The following SERPINI1 variants were observed in gnomAD, a reference collection of about 807,000 sequenced individuals.
The protein encoded by SERPINI1 is serpin family I member 1.
In SERPINI1, 19 loss-of-function variants were observed where a neutral mutation model predicts 41.1. That is an observed-to-expected ratio of 0.46 (90% CI 0.32 to 0.68). The LOEUF (loss-of-function observed/expected upper bound fraction) is 0.68. SERPINI1 is among the 30% of genes least tolerant of loss of function. The pLI is 0.03. For missense variants in SERPINI1, 460 were observed against 479.2 expected (o/e 0.96, Z 0.37); for synonymous variants, 138 against 156.6 (o/e 0.88, Z 0.89).
intron 6 of SERPINI1, among the ~76,000 whole-genome samples, chr3:167,813,823 G>A (rs1711976584): frequency 6.6e-6 from 1 of 152,110 alleles, no homozygotes; most frequent in Non-Finnish European, 1.5e-5. Flanking sequence ...TGAGTGTTGT[G>A]AGTAAATTTC....
chr3:167,823,549 C>A (rs1712412845), intron 7 of SERPINI1, among the ~76,000 whole-genome samples: 1 of 152,114 alleles, frequency 6.6e-6, no homozygotes, highest in Admixed American at 6.6e-5. Context: ...ATAATAATGA[C>A]ATCAGGGTAA....
intron 1 of SERPINI1, among the ~76,000 whole-genome samples, chr3:167,745,053 A>C (rs983722487): frequency 6.6e-6 from 1 of 151,140 alleles, no homozygotes; most frequent in African/African-American, 2.4e-5. Context: ...GTTGGAGAAC[A>C]CTATGAACAA....
intron 6 of SERPINI1, among the ~76,000 whole-genome samples, chr3:167,820,280 G>T (rs1271098390): frequency 6.6e-6 from 1 of 152,204 alleles, no homozygotes; most frequent in African/African-American, 2.4e-5. Context: ...GAGCAGCCAG[G>T]GCTTCATGCT....
intron 6 of SERPINI1, among the ~76,000 whole-genome samples, chr3:167,811,556 T>C (rs1200474903): frequency 1.3e-5 from 2 of 152,084 alleles, no homozygotes; most frequent in Admixed American, 1.3e-4. Flanking sequence ...AACAATATCT[T>C]AGAAAGTGAT....
intron 1 of SERPINI1, among the ~76,000 whole-genome samples, chr3:167,753,260 T>A (rs149279877): frequency 1.3e-5 from 2 of 152,252 alleles, no homozygotes; most frequent in African/African-American, 4.8e-5. Context: ...CCCTAGATTG[T>A]AAGCTTTCTC....
At chr3:167,773,933 C>A (rs1726877533) in intron 1 of SERPINI1, among the ~76,000 whole-genome samples, 1 of 152,106 alleles carries the variant, frequency 6.6e-6, no homozygotes, top group Non-Finnish European at 1.5e-5. Context: ...AAATAAGTGT[C>A]AGCCACAAGT....
intron 1 of SERPINI1, among the ~76,000 whole-genome samples, chr3:167,758,850 A>T (rs1404581806): frequency 3.3e-5 from 5 of 152,228 alleles, no homozygotes; most frequent in Non-Finnish European, 7.4e-5. Flanking sequence ...TGAAGGATAT[A>T]TGGGAACTCT....
At chr3:167,740,388 ATC>A (rs1263181241) in intron 1 of SERPINI1, among the ~76,000 whole-genome samples, 1 of 152,188 alleles carries the variant, frequency 6.6e-6, no homozygotes, top group Non-Finnish European at 1.5e-5. Context: ...AGTTCATACT[ATC>A]TTTCTCACCA....
chr3:167,759,011 A>G (rs192715476), intron 1 of SERPINI1, among the ~76,000 whole-genome samples: 1,862 of 152,270 alleles, frequency 0.012, 46 homozygotes, highest in African/African-American at 0.043. Flanking sequence ...TTTATGATCC[A>G]CATTAGACAC....
chr3:167,757,191 G>C (rs147751474), intron 1 of SERPINI1, among the ~76,000 whole-genome samples: 36 of 152,296 alleles, frequency 2.4e-4, no homozygotes, highest in African/African-American at 8.7e-4. Context: ...TACTGATGAA[G>C]CCTAGAGCTT....
chr3:167,803,021 G>A (rs1333570527), intron 5 of SERPINI1, among the ~76,000 whole-genome samples: 19 of 151,756 alleles, frequency 1.3e-4, no homozygotes, highest in African/African-American at 3.4e-4. Flanking sequence ...GTAAACTATC[G>A]CAAGATGAAA....
chr3:167,808,442 AT>A, intron 6 of SERPINI1, among the ~76,000 whole-genome samples: 1 of 152,284 alleles, frequency 6.6e-6, no homozygotes, highest in East Asian at 1.9e-4. Context: ...TATAAGGATT[AT>A]TTTTATCATT....
intron 1 of SERPINI1, among the ~76,000 whole-genome samples, chr3:167,771,566 T>C (rs1726748518): frequency 6.6e-6 from 1 of 152,236 alleles, no homozygotes; most frequent in African/African-American, 2.4e-5. Context: ...GAATCTTCAC[T>C]ATATACCTTT....
chr3:167,798,072 A>G (rs1727773951), intron 5 of SERPINI1, among the ~76,000 whole-genome samples: 1 of 152,158 alleles, frequency 6.6e-6, no homozygotes, highest in Non-Finnish European at 1.5e-5. Flanking sequence ...TTTATTTAGG[A>G]GTATATTAAC....
At chr3:167,802,415 C>G (rs1485569625) in intron 5 of SERPINI1, among the ~76,000 whole-genome samples, 1 of 149,370 alleles carries the variant, frequency 6.7e-6, no homozygotes, top group African/African-American at 2.5e-5. Flanking sequence ...ACAATGAACT[C>G]AAACAAATTT....
chr3:167,762,774 T>A (rs1726429566), intron 1 of SERPINI1, among the ~76,000 whole-genome samples: 3 of 152,304 alleles, frequency 2.0e-5, no homozygotes, highest in Admixed American at 2.0e-4. Flanking sequence ...ACTGAGGTTT[T>A]TTTTTTCCAG....
At chr3:167,793,590 A>T (rs1383837499) in intron 4 of SERPINI1, among the ~76,000 whole-genome samples, 16 of 103,358 alleles carry the variant, frequency 1.5e-4, no homozygotes, top group African/African-American at 7.1e-4. Context: ...ATATATATAT[A>T]TATATATTTT....
At chr3:167,760,348 A>AATAT (rs35053492) in intron 1 of SERPINI1, among the ~76,000 whole-genome samples, 26,524 of 147,292 alleles carry the variant, frequency 0.18, 2,439 homozygotes, top group Non-Finnish European at 0.21. Context: ...ACTAATTTCA[A>AATAT]ATATATATAT....
chr3:167,756,948 T>C (rs1324113107), intron 1 of SERPINI1, among the ~76,000 whole-genome samples: 1 of 152,248 alleles, frequency 6.6e-6, no homozygotes, highest in African/African-American at 2.4e-5. Context: ...AGTGACTCTA[T>C]GTAAATGAGG....
Sources: gnomAD v4.1 joint callset for allele counts (sites outside exome capture counted in the v4.1 genomes callset) on GRCh38, gnomAD v4.1.1 for gene constraint, MANE v1.5 for transcripts, NCBI Gene and HGNC (gene_info 2026-07-23, HGNC 2026-07-21) for gene names.